LPXN: variants seen among roughly 807,000 people sequenced by gnomAD.
LPXN encodes leupaxin.
In LPXN, 28 loss-of-function variants were observed where a neutral mutation model predicts 45.6. That is an observed-to-expected ratio of 0.61 (90% CI 0.45 to 0.84). The LOEUF is 0.84. LPXN is among the 40% of genes least tolerant of loss of function. The probability of loss-of-function intolerance (pLI) is 0.00; values close to 1 mark genes in which losing one functional copy is unlikely to be tolerated. For synonymous variants in LPXN, 166 were observed against 169.9 expected, an observed-to-expected ratio of 0.98 and a Z score of 0.18; for missense variants, 459 against 475.0, an observed-to-expected ratio of 0.97 and a Z score of 0.31.
chr11:58,549,740 A>G (rs772905345), intron 7 of LPXN, 46 bp downstream of exon 7: 1 of 1,529,914 alleles, frequency 6.5e-7, no homozygotes, highest in Non-Finnish European at 9.1e-7. Flanking sequence ...TGGTCTTATA[A>G]CTACCCACTG....
chr11:58,549,931 A>G, intron 6 of LPXN, 42 bp downstream of exon 6: 1 of 1,613,944 alleles, frequency 6.2e-7, no homozygotes, highest in Non-Finnish European at 8.5e-7. Flanking sequence ...TCTGGTTCTA[A>G]GTGAGTGACT....
intron 7 of LPXN, among the ~76,000 whole-genome samples, chr11:58,535,589 AT>A (rs1853526492): frequency 6.6e-6 from 1 of 152,210 alleles, no homozygotes; most frequent in South Asian, 2.1e-4. Flanking sequence ...ACCTGGAAGC[AT>A]TCCCTTTGAA....
chr11:58,564,801 G>A (rs1451194539), intron 2 of LPXN, among the ~76,000 whole-genome samples: 1 of 152,192 alleles, frequency 6.6e-6, no homozygotes, highest in Non-Finnish European at 1.5e-5. Context: ...ATAGAGGATG[G>A]GAAGTGGGGA....
At chr11:58,534,692 T>C (rs751385616) in intron 7 of LPXN, among the ~76,000 whole-genome samples, 2 of 151,806 alleles carry the variant, frequency 1.3e-5, no homozygotes, top group Non-Finnish European at 2.9e-5. Flanking sequence ...CTGAAGGAGA[T>C]AGAGAATGAA....
chr11:58,578,745 GT>G (rs545620982), upstream of LPXN, among the ~76,000 whole-genome samples: 218 of 151,872 alleles, frequency 1.4e-3, 1 homozygote, highest in African/African-American at 4.5e-3. Context: ...CCAGTCTAGG[GT>G]TTGCGTGAGG....
intron 7 of LPXN, among the ~76,000 whole-genome samples, chr11:58,534,277 A>T (rs762737745): frequency 2.1e-4 from 32 of 152,214 alleles, no homozygotes; most frequent in Non-Finnish European, 8.8e-5. Flanking sequence ...ATTGTAAGTA[A>T]AACACGCCTC....
At chr11:58,543,087 C>T (rs1202235045) in intron 7 of LPXN, among the ~76,000 whole-genome samples, 1 of 152,158 alleles carries the variant, frequency 6.6e-6, no homozygotes, top group Non-Finnish European at 1.5e-5. Context: ...CACTGTGTCT[C>T]AAATACTACC....
At chr11:58,538,956 T>C (rs1218365544) in intron 7 of LPXN, among the ~76,000 whole-genome samples, 3 of 151,524 alleles carry the variant, frequency 2.0e-5, no homozygotes, top group African/African-American at 7.3e-5. Flanking sequence ...CATTATACTA[T>C]ATCAGATATA....
intron 7 of LPXN, among the ~76,000 whole-genome samples, chr11:58,538,770 CAATA>C (rs1449909278): frequency 6.7e-6 from 1 of 150,228 alleles, no homozygotes; most frequent in Non-Finnish European, 1.5e-5. Context: ...TAAAATAATA[CAATA>C]TATATACACA....
intron 7 of LPXN, among the ~76,000 whole-genome samples, chr11:58,534,476 G>T (rs1360865863): frequency 6.6e-6 from 1 of 152,144 alleles, no homozygotes; most frequent in African/African-American, 2.4e-5. Flanking sequence ...TGAAGCCAAT[G>T]AAAACAAAGA....
chr11:58,567,026 A>G (rs1016631515), intron 2 of LPXN, among the ~76,000 whole-genome samples: 5 of 151,914 alleles, frequency 3.3e-5, no homozygotes, highest in African/African-American at 1.2e-4. Context: ...GTGTGTGTAT[A>G]TATATATTTA....
Position 58,530,224 on chromosome 11 carries a change from C to A in LPXN, c.743-2033G>T, listed in dbSNP as rs1344012987. Reference sequence around the variant, plus strand: ...ACTGTTCACTCCCCTGGAAAGGGGGCTTAAGCCAGGGAGCCAAGTGGCCTG... The same window carrying A: ...ACTGTTCACTCCCCTGGAAAGGGGGATTAAGCCAGGGAGCCAAGTGGCCTG... On this transcript the variant is annotated intron_variant, in intron 7 of 8. Coordinates refer to ENST00000395074, the MANE Select transcript of LPXN (RefSeq NM_004811.3). Among the ~76,000 whole-genome samples, 2 of 152,192 alleles carry A rather than the reference C, an allele frequency of 1.3e-5. 1 individual carries two copies. The highest frequency in any genetic ancestry group is 6.4e-3 in the Middle Eastern group (2 of 314).
At chr11:58,563,105 T>C (rs138788080) in intron 3 of LPXN, among the ~76,000 whole-genome samples, 17 of 152,380 alleles carry the variant, frequency 1.1e-4, no homozygotes, top group African/African-American at 4.1e-4. Context: ...TATATGTTCA[T>C]GCATTCACTC....
At chr11:58,548,114 G>A (rs1853930006) in intron 7 of LPXN, among the ~76,000 whole-genome samples, 1 of 152,136 alleles carries the variant, frequency 6.6e-6, no homozygotes, top group Non-Finnish European at 1.5e-5. Flanking sequence ...GAATTATGAA[G>A]GAAAATAGTT....
At chr11:58,538,097 T>G (rs1174174439) in intron 7 of LPXN, among the ~76,000 whole-genome samples, 1 of 151,826 alleles carries the variant, frequency 6.6e-6, no homozygotes, top group Non-Finnish European at 1.5e-5. Context: ...ACAAAGGACA[T>G]GAACTCATCA....
At chr11:58,528,260 G>GGCCTCCTCTC in intron 7 of LPXN, 69 bp from the exon 8 acceptor site, 1 of 1,447,966 alleles carries the variant, frequency 6.9e-7, no homozygotes, top group Non-Finnish European at 9.4e-7. Context: ...AGACTGAGAG[G>GGCCTCCTCTC]AGGCCCTTTC....
chr11:58,542,369 A>T (rs1009356713), intron 7 of LPXN, among the ~76,000 whole-genome samples: 1 of 151,954 alleles, frequency 6.6e-6, no homozygotes, highest in African/African-American at 2.4e-5. Flanking sequence ...ATATGGAATG[A>T]TCCATATATT....
At chr11:58,567,944 C>T (rs1854572059) in intron 2 of LPXN, among the ~76,000 whole-genome samples, 1 of 152,192 alleles carries the variant, frequency 6.6e-6, no homozygotes, top group Non-Finnish European at 1.5e-5. Context: ...TTAGGTTACA[C>T]TATACTCTAT....
Position 58,554,955 on chromosome 11 carries a change from C to CA in LPXN, c.219-16dup, listed in dbSNP as rs747850595. ...CTTGGGCTTCACTATAGAGGGAAAA[C>CA]AAAAAAGTCATATGAACAAATCAAA... On this transcript the variant is annotated splice_polypyrimidine_tract_variant and intron_variant, in intron 3 of 8. Transcript: ENST00000395074. The CA allele has an allele frequency of 3.3e-6, 5 of 1,536,534 alleles. No individual in the cohort carries two copies. The highest frequency in any genetic ancestry group is 2.2e-5 in the East Asian group (1 of 44,476).
Sources: gnomAD v4.1 joint callset for allele counts (sites outside exome capture counted in the v4.1 genomes callset) on GRCh38, gnomAD v4.1.1 for gene constraint, MANE v1.5 for transcripts, NCBI Gene and HGNC (gene_info 2026-07-23, HGNC 2026-07-21) for gene names.